Variants in EXPH5 observed in about 807,000 individuals in gnomAD.
EXPH5 encodes exophilin-5.
Under a neutral mutation model 41.1 loss-of-function variants are expected in EXPH5, and 42 were observed. The ratio of observed to expected loss-of-function variants is 1.02; its 90% CI spans 0.80 to 1.32. EXPH5 has a LOEUF of 1.32. Among genes scored for constraint, EXPH5 ranks in the 40% most tolerant of loss-of-function variants. The probability of loss-of-function intolerance (pLI) is 0.00; values close to 1 mark genes in which losing one functional copy is unlikely to be tolerated. For missense variants in EXPH5, 2,298 were observed against 2,314.5 expected (o/e 0.99, Z 0.15); for synonymous variants, 798 against 833.5 (o/e 0.96, Z 0.73).
At chr11:108,571,327 A>G (rs2094059234) in intron 1 of EXPH5, among the ~76,000 whole-genome samples, 1 of 152,132 alleles carries the variant, frequency 6.6e-6, no homozygotes, top group Non-Finnish European at 1.5e-5. Flanking sequence ...ACTAAGAATG[A>G]ATTTTGGTGG....
In EXPH5 at chr11:108,511,139, A is replaced by G. The variant is rs781401387; in HGVS notation, c.4368T>C (p.Phe1456=). Residue 1456 remains phenylalanine (F), a synonymous_variant, in exon 6 of 6, where the codon TTT becomes TTC. Coordinates refer to ENST00000265843, the MANE Select transcript of EXPH5 (RefSeq NM_015065.3). The part of the protein sequence containing the change: ...ECTGSGRAIP[F]TGSGKCPQKD... ...TCTGGGGACACTTGCCACTTCCAGT[A>G]AATGGAATGGCTCTACCACTCCCTG... 6 of 1,613,832 alleles carry G rather than the reference A, an allele frequency of 3.7e-6. No homozygotes were observed. The South Asian group carries it at 6.6e-5, about 18-fold the overall frequency.
intron 1 of EXPH5, among the ~76,000 whole-genome samples, chr11:108,567,226 C>T (rs2094038459): frequency 6.6e-6 from 1 of 152,158 alleles, no homozygotes; most frequent in Non-Finnish European, 1.5e-5. Context: ...CAAACACCAG[C>T]CTTCTTTAGG....
chr11:108,507,788 G>C lies in EXPH5; in HGVS notation c.*1749C>G, dbSNP rs2093652253. On this transcript the variant is annotated 3_prime_UTR_variant, in exon 6 of 6. Coordinates refer to ENST00000265843, the MANE Select transcript of EXPH5 (RefSeq NM_015065.3). ...CAGATCTGACTTGATGGCATTTTAG[G>C]GACTTGGCCAAGGTTCCCACTTGAT... The C allele has an allele frequency of 1.3e-5, 2 of 151,944 alleles. No homozygotes were observed. Among genetic ancestry groups the C allele is most frequent in the Non-Finnish European group, 2.9e-5 (2 of 68,002 alleles). The allele number at this position is 151,944 out of a possible 1,614,324, so 9.4% of individuals were successfully genotyped here. A position where few individuals can be genotyped will look rare whatever the true frequency, so the allele number is the denominator to read the frequency against.
At chr11:108,562,742 C>G (rs1160522403) in intron 1 of EXPH5, among the ~76,000 whole-genome samples, 1 of 152,200 alleles carries the variant, frequency 6.6e-6, no homozygotes. Flanking sequence ...GCAGGAGGAT[C>G]AAGTGAGCCC....
Position 108,593,617 on chromosome 11 carries a change from G to A in EXPH5, c.-81C>T. 1 of 1,609,284 alleles carries A rather than the reference G, an allele frequency of 6.2e-7. No individual in the cohort carries two copies. Among genetic ancestry groups the A allele is most frequent in the Admixed American group, 1.7e-5 (1 of 59,568 alleles). On this transcript the variant is annotated 5_prime_UTR_variant, in exon 1 of 6. Transcript: ENST00000265843. Reference sequence around the variant, plus strand: ...GCATTTTTCAACCTGTACAAGACCAGTTTCACGAACTTGATCCCACAGCCA... The same window carrying A: ...GCATTTTTCAACCTGTACAAGACCAATTTCACGAACTTGATCCCACAGCCA...
the EXPH5 span, among the ~76,000 whole-genome samples, chr11:108,601,310 A>C: frequency 1.3e-5 from 2 of 152,226 alleles, no homozygotes; most frequent in Admixed American, 6.5e-5. Flanking sequence ...TAAGTTGCTG[A>C]CTAGGTAGAC....
At chr11:108,526,448 CT>C (rs2093799812) in intron 4 of EXPH5, among the ~76,000 whole-genome samples, 1 of 152,206 alleles carries the variant, frequency 6.6e-6, no homozygotes, top group Non-Finnish European at 1.5e-5. Context: ...AGGCATTTGC[CT>C]TTCTTTTTAC....
the EXPH5 span, among the ~76,000 whole-genome samples, chr11:108,607,072 T>C: frequency 6.6e-6 from 1 of 152,320 alleles, no homozygotes; most frequent in South Asian, 2.1e-4. Context: ...GTACATCAGC[T>C]GTTCCAGGCA....
intron 1 of EXPH5, among the ~76,000 whole-genome samples, chr11:108,553,719 C>T (rs2093978546): frequency 6.6e-6 from 1 of 152,168 alleles, no homozygotes; most frequent in South Asian, 2.1e-4. Flanking sequence ...TATATTTGCT[C>T]AATCTAGGGG....
At chr11:108,540,815 T>C (rs1245200158) in intron 2 of EXPH5, among the ~76,000 whole-genome samples, 1 of 152,036 alleles carries the variant, frequency 6.6e-6, no homozygotes, top group Non-Finnish European at 1.5e-5. Flanking sequence ...TGATTCTCCC[T>C]TCCTCCACCC....
intron 1 of EXPH5, among the ~76,000 whole-genome samples, chr11:108,581,479 T>C (rs2094098014): frequency 6.6e-6 from 1 of 152,080 alleles, no homozygotes. Flanking sequence ...CACCATATAC[T>C]TCATGAATAT....
chr11:108,528,530 T>G (rs1048318254), intron 3 of EXPH5, among the ~76,000 whole-genome samples: 1 of 152,102 alleles, frequency 6.6e-6, no homozygotes, highest in African/African-American at 2.4e-5. Flanking sequence ...TGTTAATTCA[T>G]TTAGATACAT....
chr11:108,552,564 C>A (rs1194825661), intron 1 of EXPH5, among the ~76,000 whole-genome samples: 1 of 152,174 alleles, frequency 6.6e-6, no homozygotes, highest in East Asian at 1.9e-4. Flanking sequence ...CACTTCAACT[C>A]CGTGAATGGC....
At chr11:108,601,496 C>T in the EXPH5 span, among the ~76,000 whole-genome samples, 1 of 152,164 alleles carries the variant, frequency 6.6e-6, no homozygotes, top group Non-Finnish European at 1.5e-5. Context: ...TATATAATAA[C>T]AGATGCCCTT....
At chr11:108,541,835 T>A in intron 1 of EXPH5, 23 bp from the exon 2 acceptor site, 6 of 1,548,518 alleles carry the variant, frequency 3.9e-6, no homozygotes, top group Non-Finnish European at 5.2e-6. Flanking sequence ...AAAACATTAA[T>A]GTGGTCTTTA....
chr11:108,519,852 G>T (rs2093753383), intron 4 of EXPH5, among the ~76,000 whole-genome samples: 1 of 150,928 alleles, frequency 6.6e-6, no homozygotes, highest in South Asian at 2.1e-4. Flanking sequence ...TGGGAGGGCT[G>T]AGGCAGGAGA....
At chr11:108,520,723 T>A (rs563057437) in intron 4 of EXPH5, among the ~76,000 whole-genome samples, 79 of 151,870 alleles carry the variant, frequency 5.2e-4, no homozygotes, top group African/African-American at 1.7e-3. Context: ...CACGCCACCA[T>A]GCCTGGCTAA....
chr11:108,589,604 G>T (rs1314321292), intron 1 of EXPH5, among the ~76,000 whole-genome samples: 2 of 152,184 alleles, frequency 1.3e-5, no homozygotes, highest in East Asian at 3.9e-4. Flanking sequence ...ATCTGGTTCT[G>T]ATGCCAGATA....
chr11:108,540,423 A>G (rs951462811), intron 2 of EXPH5, among the ~76,000 whole-genome samples: 1 of 152,142 alleles, frequency 6.6e-6, no homozygotes, highest in Non-Finnish European at 1.5e-5. Context: ...ACAAGGGAAA[A>G]GTCATCAGGG....
Sources: allele counts gnomAD v4.1 joint callset (sites outside exome capture counted in the v4.1 genomes callset), GRCh38; gene constraint gnomAD v4.1.1; transcripts MANE v1.5; gene names NCBI Gene and HGNC (gene_info 2026-07-23, HGNC 2026-07-21).